The following FAM184B variants were observed in gnomAD, a reference collection of about 807,000 sequenced individuals.
The protein encoded by FAM184B is protein FAM184B.
Under a neutral mutation model 135.9 loss-of-function variants are expected in FAM184B, and 111 were observed. That is an observed-to-expected ratio of 0.82 (90% CI 0.70 to 0.96). The LOEUF (loss-of-function observed/expected upper bound fraction) is 0.96. FAM184B is among the 40% of genes least tolerant of loss of function. The probability of loss-of-function intolerance (pLI) is 0.00; values close to 1 mark genes in which losing one functional copy is unlikely to be tolerated. For synonymous variants in FAM184B, 552 were observed against 524.8 expected (o/e 1.05, Z -0.71); for missense variants, 1,375 against 1,323.9 (o/e 1.04, Z -0.60).
At chr4:17,765,396 T>C (rs997664311) in intron 1 of FAM184B, among the ~76,000 whole-genome samples, 4 of 152,142 alleles carry the variant, frequency 2.6e-5, no homozygotes, top group African/African-American at 7.2e-5. Flanking sequence ...CACTACAATA[T>C]TGATTATAAT....
intron 1 of FAM184B, among the ~76,000 whole-genome samples, chr4:17,750,257 G>T (rs1718265012): frequency 6.6e-6 from 1 of 152,128 alleles, no homozygotes; most frequent in Admixed American, 6.5e-5. Context: ...CCATTATTGT[G>T]TATTGTTATT....
chr4:17,639,209 A>T, intron 14 of FAM184B, 41 bp downstream of exon 14: 2 of 1,545,036 alleles, frequency 1.3e-6, no homozygotes, highest in South Asian at 2.4e-5. Context: ...ACTGAATGGT[A>T]CATTTGCAAG....
rs910719531 is a variant in FAM184B at position 17,705,853 on chromosome 4, G to A, written c.1069C>T (p.Leu357=). 15 of 1,552,216 alleles carry A rather than the reference G, an allele frequency of 9.7e-6. No homozygotes were observed. In the South Asian group the frequency reaches 1.5e-4, roughly 16 times the overall value. The part of the protein sequence containing the change: ...KTELVSENKV[L]REENDLEAGN... ...GCTTCCAAGTCATTCTCTTCCCGCA[G>A]GACTTTGTTCTCTGAAACTAACTCA... The change falls in exon 4 of 18, where the codon CTG becomes TTG. Residue 357 remains leucine, a synonymous_variant. Coordinates refer to ENST00000265018, the MANE Select transcript of FAM184B (RefSeq NM_015688.2).
At chr4:17,755,302 A>T (rs1333890783) in intron 1 of FAM184B, among the ~76,000 whole-genome samples, 1 of 152,128 alleles carries the variant, frequency 6.6e-6, no homozygotes, top group African/African-American at 2.4e-5. Flanking sequence ...GCAAACATTG[A>T]AAAAAAAGCT....
chr4:17,748,793 A>G (rs1390895696), intron 1 of FAM184B, among the ~76,000 whole-genome samples: 1 of 152,070 alleles, frequency 6.6e-6, no homozygotes, highest in Admixed American at 6.6e-5. Context: ...CTGGGATTAC[A>G]GACATGAGCC....
chr4:17,642,270 G>A (rs1248346464), intron 12 of FAM184B, 42 bp from the exon 13 acceptor site: 1 of 1,430,888 alleles, frequency 7.0e-7, no homozygotes, highest in Non-Finnish European at 9.1e-7. Flanking sequence ...GGAGGCGCAG[G>A]GGCAGACAAG....
At position 17,668,621 on chromosome 4, in the gene FAM184B, C is replaced by T. The variant is rs112924436; in HGVS notation, c.1597-3962G>A. ...GATCTAGGCTCACTGCAACTTCCACCTCCTGTGTTCAAGTGAGTCTCCTGC... is the reference window on the plus strand; with the variant it reads ...GATCTAGGCTCACTGCAACTTCCACTTCCTGTGTTCAAGTGAGTCTCCTGC... On this transcript the variant is annotated intron_variant, in intron 7 of 17. Transcript: ENST00000265018. Among the ~76,000 whole-genome samples the T allele has an allele frequency of 2.4e-3, 365 of 152,290 alleles. 8 individuals are homozygous for T. The highest frequency in any genetic ancestry group is 8.5e-3 in the African/African-American group (355 of 41,560).
intron 1 of FAM184B, among the ~76,000 whole-genome samples, chr4:17,739,762 G>C (rs1291644642): frequency 6.6e-6 from 1 of 151,478 alleles, no homozygotes; most frequent in Non-Finnish European, 1.5e-5. Context: ...CACCATGTTG[G>C]CCAGGCTGGT....
intron 1 of FAM184B, among the ~76,000 whole-genome samples, chr4:17,771,658 A>G (rs1718819535): frequency 6.6e-6 from 1 of 152,204 alleles, no homozygotes. Flanking sequence ...CCATGAAAAC[A>G]CAGGGCTCAA....
intron 13 of FAM184B, among the ~76,000 whole-genome samples, chr4:17,641,140 C>G (rs1715298902): frequency 6.6e-6 from 1 of 152,024 alleles, no homozygotes. Flanking sequence ...CACTATGTTG[C>G]CCAGGCTGGT....
intron 7 of FAM184B, among the ~76,000 whole-genome samples, chr4:17,682,675 T>C (rs1716477479): frequency 6.6e-6 from 1 of 152,096 alleles, no homozygotes. Flanking sequence ...ATTTTTGTAT[T>C]TTCAGTAGAG....
chr4:17,747,920 CAAAA>C (rs71167333), intron 1 of FAM184B, among the ~76,000 whole-genome samples: 38 of 21,706 alleles, frequency 1.8e-3, no homozygotes, highest in African/African-American at 5.6e-3. Flanking sequence ...GACTCTGTCT[CAAAA>C]AAAAAAAAAA....
intron 7 of FAM184B, among the ~76,000 whole-genome samples, chr4:17,677,350 A>G (rs1178413730): frequency 1.3e-5 from 2 of 152,190 alleles, no homozygotes; most frequent in African/African-American, 4.8e-5. Context: ...ACCCAGCCTG[A>G]ATGAGCTCTT....
intron 17 of FAM184B, chr4:17,633,334 A>G (rs1715021419): frequency 1.7e-5 from 3 of 179,626 alleles, no homozygotes; most frequent in Admixed American, 6.0e-5. Flanking sequence ...TGCTAAGCAC[A>G]TCCTATGGAT....
At position 17,735,909 on chromosome 4, in the gene FAM184B, G is replaced by A. The variant is rs555138808; in HGVS notation, c.142-26265C>T. 1.5e-3 allele frequency among the ~76,000 whole-genome samples: 232 copies of A among 152,256 alleles called. 1 individual carries two copies. The highest frequency in any genetic ancestry group is 5.5e-3 in the African/African-American group (227 of 41,540). ...ATCCCAGAGTGCTTTATTAAGGATGGGTGACTGTTCATAGTTGGCATAGTT... is the reference window on the plus strand; with the variant it reads ...ATCCCAGAGTGCTTTATTAAGGATGAGTGACTGTTCATAGTTGGCATAGTT... On this transcript the variant is annotated intron_variant, in intron 1 of 17. Transcript: ENST00000265018.
chr4:17,765,501 G>T (rs762420840), intron 1 of FAM184B, among the ~76,000 whole-genome samples: 7 of 151,668 alleles, frequency 4.6e-5, no homozygotes, highest in Non-Finnish European at 1.0e-4. Context: ...TAACTTTCAC[G>T]ATCCCTCGTA....
chr4:17,654,857 CTTTT>C (rs890470703), intron 10 of FAM184B, among the ~76,000 whole-genome samples: 2 of 152,122 alleles, frequency 1.3e-5, no homozygotes, highest in African/African-American at 4.8e-5. Flanking sequence ...ATGTCTTTTT[CTTTT>C]TCTTTTTTTG....
chr4:17,705,593 G>A (rs1717091166), intron 4 of FAM184B, among the ~76,000 whole-genome samples, 159 bp downstream of exon 4: 1 of 152,200 alleles, frequency 6.6e-6, no homozygotes, highest in Non-Finnish European at 1.5e-5. Flanking sequence ...GTAGCATGGA[G>A]TAGGCAGTAA....
At chr4:17,652,370 C>T (rs1026583858) in intron 11 of FAM184B, among the ~76,000 whole-genome samples, 6 of 151,908 alleles carry the variant, frequency 3.9e-5, no homozygotes, top group Non-Finnish European at 7.4e-5. Context: ...GTGATCCACC[C>T]GCCTCAGCCT....
Sources: gnomAD v4.1 joint callset for allele counts (sites outside exome capture counted in the v4.1 genomes callset) on GRCh38, gnomAD v4.1.1 for gene constraint, MANE v1.5 for transcripts, NCBI Gene and HGNC (gene_info 2026-07-23, HGNC 2026-07-21) for gene names.